MAGI2: variants seen among roughly 807,000 people sequenced by gnomAD.
MAGI2 encodes membrane-associated guanylate kinase, WW and PDZ domain-containing protein 2.
MAGI2 carries 35 observed loss-of-function variants against 133.3 expected under a neutral mutation model. The ratio of observed to expected loss-of-function variants is 0.26; its 90% confidence interval spans 0.20 to 0.35. MAGI2 has a LOEUF of 0.35. Ranked by LOEUF, MAGI2 falls within the 10% of genes least tolerant of loss-of-function variation. The probability of loss-of-function intolerance (pLI) is 1.00; values close to 1 mark genes in which losing one functional copy is unlikely to be tolerated. For synonymous variants in MAGI2, 729 were observed against 710.6 expected, an observed-to-expected ratio of 1.03 and a Z score of -0.41; for missense variants, 1,636 against 1,863.4, an observed-to-expected ratio of 0.88 and a Z score of 2.25.
At chr7:79,354,638 T>G (rs1000107111) in intron 1 of MAGI2, among the ~76,000 whole-genome samples, 11 of 151,860 alleles carry the variant, frequency 7.2e-5, no homozygotes, top group Admixed American at 7.2e-4. Context: ...ATAAGAGAGG[T>G]GCCCTGGTCC....
chr7:78,437,979 C>T (rs1787213124), intron 6 of MAGI2, among the ~76,000 whole-genome samples: 1 of 152,096 alleles, frequency 6.6e-6, no homozygotes, highest in Non-Finnish European at 1.5e-5. Flanking sequence ...TGCCAAAAAT[C>T]ACTCAGGAGC....
Position 78,725,662 on chromosome 7 carries a change from G to A in MAGI2, c.419-98423C>T, listed in dbSNP as rs1392181519. Among the ~76,000 whole-genome samples the A allele has an allele frequency of 2.0e-5, 3 of 152,228 alleles. No individual in the cohort carries two copies. The East Asian group carries it at 5.8e-4, about 29-fold the overall frequency. On this transcript the variant is annotated intron_variant, in intron 2 of 21. Transcript: ENST00000354212. ...AAGATAGAAAAAATTAGCCGGGCGT[G>A]GTGGCAGGCGCCTGTAGTCCCAGCT... is the stretch of plus-strand genomic sequence containing the variant.
At chr7:79,425,549 T>C (rs1290555615) in intron 1 of MAGI2, among the ~76,000 whole-genome samples, 1 of 145,580 alleles carries the variant, frequency 6.9e-6, no homozygotes, top group South Asian at 2.1e-4. Flanking sequence ...ATTAGTTTAG[T>C]CAGAACTGTT....
intron 1 of MAGI2, among the ~76,000 whole-genome samples, chr7:79,023,025 C>A (rs565864923): frequency 6.6e-6 from 1 of 152,012 alleles, no homozygotes; most frequent in Non-Finnish European, 1.5e-5. Flanking sequence ...TTAGCAGAGA[C>A]ACAACAAAAA....
chr7:78,941,372 CAG>C (rs1408567578), intron 2 of MAGI2, among the ~76,000 whole-genome samples: 2 of 152,172 alleles, frequency 1.3e-5, no homozygotes, highest in Non-Finnish European at 2.9e-5. Flanking sequence ...ATTTTTGAGA[CAG>C]AGTCTCAGTT....
At chr7:78,542,675 G>A (rs1403184419) in intron 3 of MAGI2, among the ~76,000 whole-genome samples, 1 of 152,170 alleles carries the variant, frequency 6.6e-6, no homozygotes, top group African/African-American at 2.4e-5. Flanking sequence ...GGAGCATGTA[G>A]GCACCGATGA....
At chr7:78,440,167 A>G (rs1320260884) in intron 6 of MAGI2, among the ~76,000 whole-genome samples, 1 of 152,128 alleles carries the variant, frequency 6.6e-6, no homozygotes, top group African/African-American at 2.4e-5. Context: ...GATTCTGACT[A>G]TCTGGATTCA....
intron 6 of MAGI2, among the ~76,000 whole-genome samples, chr7:78,483,852 A>G (rs1792685768): frequency 6.6e-6 from 1 of 151,988 alleles, no homozygotes; most frequent in Non-Finnish European, 1.5e-5. Context: ...GTACAAAAAC[A>G]AAATCAATTT....
chr7:78,959,213 G>C (rs1390841436), intron 2 of MAGI2, among the ~76,000 whole-genome samples: 4 of 152,052 alleles, frequency 2.6e-5, no homozygotes, highest in African/African-American at 9.7e-5. Context: ...AGGCAACTCA[G>C]CTTCACCACT....
chr7:78,371,969 T>G (rs1262680481), intron 6 of MAGI2, among the ~76,000 whole-genome samples: 3 of 152,056 alleles, frequency 2.0e-5, no homozygotes, highest in Admixed American at 6.6e-5. Flanking sequence ...AAGGAATTGA[T>G]GGAGGAACCT....
intron 1 of MAGI2, among the ~76,000 whole-genome samples, chr7:79,294,937 A>AC (rs1470684312): frequency 6.7e-6 from 1 of 149,636 alleles, no homozygotes; most frequent in African/African-American, 2.5e-5. Flanking sequence ...ACGGGGTTTC[A>AC]CCGTGTTAGC....
chr7:78,326,867 C>A (rs935347135), intron 9 of MAGI2, among the ~76,000 whole-genome samples: 1 of 152,124 alleles, frequency 6.6e-6, no homozygotes, highest in Non-Finnish European at 1.5e-5. Flanking sequence ...ACTGCCTTTC[C>A]CCTCCCTTCA....
chr7:78,786,858 C>T (rs540061385), intron 2 of MAGI2, among the ~76,000 whole-genome samples: 5 of 152,256 alleles, frequency 3.3e-5, no homozygotes, highest in African/African-American at 7.2e-5. Flanking sequence ...GAGTTGCTTC[C>T]GCTCACTTCT....
At chr7:78,603,822 A>T (rs1317974070) in intron 3 of MAGI2, among the ~76,000 whole-genome samples, 1 of 152,120 alleles carries the variant, frequency 6.6e-6, no homozygotes, top group Non-Finnish European at 1.5e-5. Flanking sequence ...CGCCCAGCCA[A>T]TATTTCTATT....
chr7:78,045,501 T>C (rs928828891), intron 21 of MAGI2, among the ~76,000 whole-genome samples: 2 of 151,730 alleles, frequency 1.3e-5, no homozygotes, highest in African/African-American at 4.8e-5. Flanking sequence ...ATAAATATGA[T>C]ACAATGTGTT....
chr7:78,443,244 G>A (rs1367727753), intron 6 of MAGI2, among the ~76,000 whole-genome samples: 6 of 151,982 alleles, frequency 3.9e-5, no homozygotes, highest in African/African-American at 1.2e-4. Context: ...GGCTTATTAT[G>A]ACATAAAGAA....
rs560355408 is a variant in MAGI2 at position 78,361,265 on chromosome 7, G to A, written c.1103+7891C>T. On this transcript the variant is annotated intron_variant, in intron 7 of 21. Transcript: ENST00000354212. ...AAAAATTAGCCGGGTGTGGTGGCAGGTGCCTGTAATCCCAGCTACTTGGGG... is the reference window on the plus strand; with the variant it reads ...AAAAATTAGCCGGGTGTGGTGGCAGATGCCTGTAATCCCAGCTACTTGGGG... Among the ~76,000 whole-genome samples the A allele has an allele frequency of 8.5e-5, 13 of 152,124 alleles. 1 individual carries two copies. The South Asian group carries it at 2.7e-3, about 32-fold the overall frequency.
intron 1 of MAGI2, among the ~76,000 whole-genome samples, chr7:79,152,210 T>TG (rs1823323623): frequency 6.6e-6 from 1 of 152,174 alleles, no homozygotes; most frequent in African/African-American, 2.4e-5. Flanking sequence ...AGCAACAGAT[T>TG]GAAACATCAC....
chr7:79,253,123 G>T (rs1010439926), intron 1 of MAGI2, among the ~76,000 whole-genome samples: 1 of 152,104 alleles, frequency 6.6e-6, no homozygotes, highest in Admixed American at 6.6e-5. Flanking sequence ...AATAAGTGAA[G>T]CATACAATTC....
Sources: gnomAD v4.1 joint callset for allele counts (sites outside exome capture counted in the v4.1 genomes callset) on GRCh38, gnomAD v4.1.1 for gene constraint, MANE v1.5 for transcripts, NCBI Gene and HGNC (gene_info 2026-07-23, HGNC 2026-07-21) for gene names.